The following ZDHHC22 variants were observed in gnomAD, a reference collection of about 807,000 sequenced individuals.
The protein encoded by ZDHHC22 is palmitoyltransferase ZDHHC22.
A neutral mutation model predicts 17.0 loss-of-function variants in ZDHHC22; 13 were observed. That is an observed-to-expected ratio of 0.76 (90% CI 0.50 to 1.21). ZDHHC22 has a LOEUF of 1.21. Among genes scored for constraint, ZDHHC22 ranks in the 50% most tolerant of loss-of-function variants. The pLI is 0.00. For synonymous variants in ZDHHC22, 138 were observed against 154.7 expected, an observed-to-expected ratio of 0.89 and a Z score of 0.80; for missense variants, 319 against 342.3, an observed-to-expected ratio of 0.93 and a Z score of 0.54.
At position 77,139,443 on chromosome 14, in the gene ZDHHC22, A is replaced by C. The variant is rs762889763; in HGVS notation, c.296T>G (p.Val99Gly). The C allele has an allele frequency of 5.0e-6, 8 of 1,612,748 alleles. No homozygotes were observed. In the African/African-American group the frequency reaches 1.1e-4, roughly 22 times the overall value. The change falls in exon 2 of 3, where the codon GTG becomes GGG. Residue 99 changes from valine (V) to glycine (G), a missense_variant. Val to Gly is a moderately radical substitution (Grantham distance 109). Coordinates refer to ENST00000319374, the MANE Select transcript of ZDHHC22 (RefSeq NM_174976.2). ...CPSPSTHFCR[V>G]CARVTLRHDH... ...GTGCCTCAGGGTGACTCTGGCGCAC[A>C]CTCGGCAGAAGTGGGTGCTAGGTGA... is the stretch of plus-strand genomic sequence containing the variant.
intron 2 of ZDHHC22, among the ~76,000 whole-genome samples, chr14:77,135,388 G>A (rs1319806618): frequency 6.6e-6 from 1 of 152,182 alleles, no homozygotes; most frequent in African/African-American, 2.4e-5. Context: ...GGACTCAGCA[G>A]CCATGGAGGA....
At chr14:77,138,362 C>T (rs1001069338) in intron 2 of ZDHHC22, among the ~76,000 whole-genome samples, 2 of 152,054 alleles carry the variant, frequency 1.3e-5, no homozygotes, top group African/African-American at 4.8e-5. Flanking sequence ...GTTCAAGGCC[C>T]GCCTGGCCAA....
At chr14:77,137,038 C>T (rs1887149076) in intron 2 of ZDHHC22, among the ~76,000 whole-genome samples, 1 of 152,176 alleles carries the variant, frequency 6.6e-6, no homozygotes, top group African/African-American at 2.4e-5. Flanking sequence ...GCTTCTTACT[C>T]TTTTCTGTCC....
chr14:77,137,258 T>C (rs902596357), intron 2 of ZDHHC22, among the ~76,000 whole-genome samples: 6 of 152,240 alleles, frequency 3.9e-5, no homozygotes, highest in Admixed American at 3.9e-4. Context: ...CTGTTTCCAG[T>C]GGATATGGTG....
chr14:77,139,877 GCGGATTTCCCCTCCCCAGTTCCCTAACCC>G, intron 1 of ZDHHC22, 125 bp from the exon 2 acceptor site: 1 of 1,052,412 alleles, frequency 9.5e-7, no homozygotes, highest in East Asian at 2.7e-5. Context: ...CCCCTGTCCC[GCGGATTTCCCCTCCCCAGTTCCCTAACCC>G]CGGATCAGGC....
At position 77,139,229 on chromosome 14, in the gene ZDHHC22, G is replaced by A. The variant is rs1887195187; in HGVS notation, c.510C>T (p.Ile170=). The A allele has an allele frequency of 1.3e-6, 2 of 1,583,216 alleles. No individual in the cohort carries two copies. Among genetic ancestry groups the A allele is most frequent in the African/African-American group, 1.3e-5 (1 of 74,396 alleles). ...CCCACTCACCGGAGAAGAACTGGCT[G>A]ATGGAGGTGGGCAGGAGCGTGAGGA... ...LAFLTLLPTS[I]SQFFSGAVLG... is the part of the protein sequence containing the mutation. Residue 170 remains isoleucine, a synonymous_variant, in exon 2 of 3, where the codon ATC becomes ATT. Coordinates refer to ENST00000319374, the MANE Select transcript of ZDHHC22 (RefSeq NM_174976.2).
rs1239318964 is a variant in ZDHHC22 at position 77,132,682 on chromosome 14, G to C, written c.*1001C>G. The C allele has an allele frequency of 2.0e-5, 3 of 152,150 alleles. No homozygotes were observed. The highest frequency in any genetic ancestry group is 1.3e-4 in the Admixed American group (2 of 15,268). The allele number at this position is 152,150 out of a possible 1,614,324, so 9.4% of individuals were successfully genotyped here. On this transcript the variant is annotated 3_prime_UTR_variant, in exon 3 of 3. Transcript: ENST00000319374. ...GCCATTCAAACATTGAAGAGTTTCA[G>C]CTGCTGGAATGCCCTTTGTATAGGG...
rs1024498707 is a variant in ZDHHC22, at chr14:77,140,784, C to G, written c.-15+819G>C. ...CCTTTCCTGGGATCGACCCCGCCGC[C>G]GTGCTCAGCCCTCACCACGTCCCCA... is the stretch of plus-strand genomic sequence containing the variant. On this transcript the variant is annotated intron_variant, in intron 1 of 2. Coordinates refer to ENST00000319374, the MANE Select transcript of ZDHHC22 (RefSeq NM_174976.2). The surrounding 1 kb of genome is among the most constrained non-coding windows in gnomAD (Gnocchi z 5.9). The G allele has an allele frequency of 6.6e-6, 1 of 152,402 alleles. No homozygotes were observed. The highest frequency in any genetic ancestry group is 2.4e-5 in the African/African-American group (1 of 41,562). The allele number at this position is 152,402 out of a possible 1,614,324, so 9.4% of individuals were successfully genotyped here.
Position 77,139,307 on chromosome 14 carries a change from G to C in ZDHHC22, c.432C>G (p.Gly144=). 6.3e-7 allele frequency: 1 copy of C among 1,599,796 alleles called. No homozygotes were observed. Among genetic ancestry groups the C allele is most frequent in the East Asian group, 2.3e-5 (1 of 44,254 alleles). Residue 144 remains glycine, a synonymous_variant, in exon 2 of 3, where the codon GGC becomes GGG. Coordinates refer to ENST00000319374, the MANE Select transcript of ZDHHC22 (RefSeq NM_174976.2). ...AAAGGACAGCGGAGATGTAGGCCAC[G>C]CCGGCCACCATGGAGTAGAGGCAGG... ...SLACLYSMVA[G]VAYISAVLSI...
chr14:77,136,413 C>T (rs963596248), intron 2 of ZDHHC22, among the ~76,000 whole-genome samples: 8 of 152,114 alleles, frequency 5.3e-5, no homozygotes, highest in African/African-American at 9.7e-5. Flanking sequence ...AACATTAGTC[C>T]CCTTTCCCTC....
rs1260720760 is a variant in ZDHHC22 at position 77,133,880 on chromosome 14, A to C, written c.595T>G (p.Cys199Gly). 6.2e-7 allele frequency: 1 copy of C among 1,612,746 alleles called. No homozygotes were observed. The highest frequency in any genetic ancestry group is 8.5e-7 in the Non-Finnish European group (1 of 1,179,400). The change falls in exon 3 of 3, where the codon TGC becomes GGC. Residue 199 changes from cysteine (C) to glycine (G), a missense_variant. Cys to Gly is a radical substitution (Grantham distance 159). Coordinates refer to ENST00000319374, the MANE Select transcript of ZDHHC22 (RefSeq NM_174976.2). ...AGCTGGTGGCAGCAGAAGCCGGCGC[A>C]GGCCAGGCCGATGGCGAACCAGAGG... ...LYLWFAIGLA[C>G]AGFCCHQLLL...
chr14:77,139,509 C>A lies in ZDHHC22; in HGVS notation c.230G>T (p.Gly77Val), dbSNP rs773443273. ...LVIQNSPDDLGACQGASARKT... is the reference protein window; with the variant it reads ...LVIQNSPDDLVACQGASARKT... The stretch of plus-strand genomic sequence containing the variant: ...CCTGGCCGAGGCCCCCTGGCAGGCC[C>A]CCAGGTCGTCTGGGGAGTTCTGGAT... The change falls in exon 2 of 3, where the codon GGG becomes GTG. Residue 77 changes from glycine to valine, a missense_variant. Physicochemically the swap from Gly to Val is moderately radical, Grantham distance 109. Transcript: ENST00000319374. 1 of 1,611,846 alleles carries A rather than the reference C, an allele frequency of 6.2e-7. No individual in the cohort carries two copies. The highest frequency in any genetic ancestry group is 1.1e-5 in the South Asian group (1 of 90,442).
At chr14:77,134,655 G>A (rs924996762) in intron 2 of ZDHHC22, among the ~76,000 whole-genome samples, 32 of 152,228 alleles carry the variant, frequency 2.1e-4, no homozygotes, top group Middle Eastern at 3.4e-3. Flanking sequence ...GCCCTGTGTC[G>A]TGGGGCAGGA....
chr14:77,141,180 C>A (rs1228479982), intron 1 of ZDHHC22: 1 of 152,130 alleles, frequency 6.6e-6, no homozygotes, highest in African/African-American at 2.4e-5. Context: ...CCGGGGGCTG[C>A]GGCGGTGCTG....
In ZDHHC22 at chr14:77,140,586, TG is replaced by T. The variant is rs1887234441; in HGVS notation, c.-14-835del. 1 of 152,322 alleles carries T rather than the reference TG, an allele frequency of 6.6e-6. No individual in the cohort carries two copies. The highest frequency in any genetic ancestry group is 1.5e-5 in the Non-Finnish European group (1 of 68,014). The allele number at this position is 152,322 out of a possible 1,614,324, so 9.4% of individuals were successfully genotyped here. A position where few individuals can be genotyped will look rare whatever the true frequency, so the allele number is the denominator to read the frequency against. On this transcript the variant is annotated intron_variant, in intron 1 of 2. Transcript: ENST00000319374. This position sits in a 1 kb window ranked among gnomAD's most constrained non-coding sequence, Gnocchi z 5.9. ...GCCAGCACATCTCTCCAACGCTGGC[TG>T]CCCGGGCTATTTCTTTGCGAAGAGC...
chr14:77,139,859 C>T, intron 1 of ZDHHC22, 107 bp from the exon 2 acceptor site: 1 of 1,155,774 alleles, frequency 8.7e-7, no homozygotes. Flanking sequence ...CGACTCCACG[C>T]CCCCAACCCC....
At chr14:77,138,732 T>C (rs182883852) in intron 2 of ZDHHC22, among the ~76,000 whole-genome samples, 13 of 152,256 alleles carry the variant, frequency 8.5e-5, no homozygotes, top group Admixed American at 6.5e-4. Flanking sequence ...AATTGGTTGG[T>C]GAGACCTCTG....
At chr14:77,138,276 G>A (rs1355224586) in intron 2 of ZDHHC22, among the ~76,000 whole-genome samples, 2 of 151,998 alleles carry the variant, frequency 1.3e-5, no homozygotes, top group African/African-American at 4.8e-5. Flanking sequence ...GCAGTCCTCA[G>A]CCAGGCGCAG....
rs773298898 is a variant in ZDHHC22 at position 77,133,815 on chromosome 14, C to T, written c.660G>A (p.Arg220=). The change falls in exon 3 of 3, where the codon CGG becomes CGA. Residue 220 remains arginine, a synonymous_variant. Coordinates refer to ENST00000319374, the MANE Select transcript of ZDHHC22 (RefSeq NM_174976.2). ...GCCGGGCCCTCACTGCCACCCCCTT[C>T]CGCACCTGGTGGCGGGTCTGCCCGC... ...ILRGQTRHQV[R]KGVAVRARPW... The T allele has an allele frequency of 6.2e-7, 1 of 1,613,986 alleles. No individual in the cohort carries two copies. Among genetic ancestry groups the T allele is most frequent in the East Asian group, 2.2e-5 (1 of 44,876 alleles).
Sources: gnomAD v4.1 joint callset for allele counts (sites outside exome capture counted in the v4.1 genomes callset) on GRCh38, gnomAD v4.1.1 for gene constraint, Gnocchi (gnomAD v3.1) non-coding constraint, MANE v1.5 for transcripts, NCBI Gene and HGNC (gene_info 2026-07-23, HGNC 2026-07-21) for gene names.